Variants in LARP1B observed in about 807,000 individuals in gnomAD.
LARP1B encodes the protein La ribonucleoprotein 1B, also known as la-related protein 1B.
LARP1B carries 76 observed loss-of-function variants against 114.2 expected under a neutral mutation model. That is an observed-to-expected ratio of 0.67 (90% CI 0.55 to 0.81). The LOEUF (loss-of-function observed/expected upper bound fraction) is 0.81. Ranked by LOEUF, LARP1B falls within the 30% of genes least tolerant of loss-of-function variation. The pLI is 0.00. For synonymous variants in LARP1B, 345 were observed against 348.0 expected, an observed-to-expected ratio of 0.99 and a Z score of 0.10; for missense variants, 1,014 against 1,075.8, an observed-to-expected ratio of 0.94 and a Z score of 0.80.
At chr4:128,096,691 C>T (rs1246717329) in intron 7 of LARP1B, among the ~76,000 whole-genome samples, 1 of 151,788 alleles carries the variant, frequency 6.6e-6, no homozygotes, top group Non-Finnish European at 1.5e-5. Flanking sequence ...AGCTCCGCCT[C>T]CCAGGTTCAC....
At chr4:128,175,157 T>A (rs1435304570) in intron 12 of LARP1B, among the ~76,000 whole-genome samples, 2 of 152,144 alleles carry the variant, frequency 1.3e-5, no homozygotes, top group Non-Finnish European at 2.9e-5. Flanking sequence ...ATTTAGTATA[T>A]CATTTATCCC....
chr4:128,168,403 T>C (rs1742088586), intron 12 of LARP1B, among the ~76,000 whole-genome samples: 2 of 152,196 alleles, frequency 1.3e-5, no homozygotes, highest in Admixed American at 1.3e-4. Flanking sequence ...CTCAAATCTT[T>C]GGACATTTCT....
intron 5 of LARP1B, among the ~76,000 whole-genome samples, chr4:128,084,114 G>A (rs1040026116): frequency 1.2e-4 from 18 of 151,906 alleles, no homozygotes; most frequent in African/African-American, 4.1e-4. Flanking sequence ...GATGGCGGCC[G>A]GCAGAGACGC....
intron 1 of LARP1B, among the ~76,000 whole-genome samples, chr4:128,066,447 G>A (rs1302580161): frequency 1.3e-5 from 2 of 150,620 alleles, no homozygotes; most frequent in African/African-American, 4.9e-5. Context: ...CAAAGTGCTA[G>A]GATTACAAGC....
chr4:128,173,256 A>G (rs1221573892), intron 12 of LARP1B, among the ~76,000 whole-genome samples: 1 of 152,166 alleles, frequency 6.6e-6, no homozygotes, highest in Non-Finnish European at 1.5e-5. Flanking sequence ...GGTCATTTAC[A>G]TATGGCCTCT....
chr4:128,062,098 G>A (rs1310450984), intron 1 of LARP1B: 96 of 985,284 alleles, frequency 9.7e-5, no homozygotes, highest in Non-Finnish European at 1.1e-4. Context: ...CTGGCCCTGC[G>A]GAAAAGCGGC....
rs186403748 is a variant in LARP1B, at chr4:128,110,301, A to T, written c.988+2988A>T. ...ATGTATCTAAATTTTTTTTGTTTCTAAGTAGTTTAATATCAGGTAATCTAA... is the reference window on the plus strand; with the variant it reads ...ATGTATCTAAATTTTTTTTGTTTCTTAGTAGTTTAATATCAGGTAATCTAA... On this transcript the variant is annotated intron_variant, in intron 9 of 19. Transcript: ENST00000326639. Among the ~76,000 whole-genome samples the T allele has an allele frequency of 2.7e-3, 412 of 152,138 alleles. 1 individual carries two copies. Among genetic ancestry groups the T allele is most frequent in the Non-Finnish European group, 4.5e-3 (304 of 68,006 alleles).
Position 128,210,797 on chromosome 4 carries a change from T to C in LARP1B, c.*744T>C. ...CTATAAGCTGATTACATATTAGAGG[T>C]TTATTTTTATGATTCTATATAAACG... On this transcript the variant is annotated 3_prime_UTR_variant, in exon 20 of 20. Coordinates refer to ENST00000326639, the MANE Select transcript of LARP1B (RefSeq NM_018078.4). 1.0e-6 allele frequency: 1 copy of C among 983,508 alleles called. No individual in the cohort carries two copies. Among genetic ancestry groups the C allele is most frequent in the Non-Finnish European group, 1.2e-6 (1 of 828,200 alleles). The allele number at this position is 983,508 out of a possible 1,614,324, so 60.9% of individuals were successfully genotyped here.
At chr4:128,122,883 G>A in intron 11 of LARP1B, 1 of 1,003,058 alleles carries the variant, frequency 1.0e-6, no homozygotes, top group Non-Finnish European at 1.2e-6. Flanking sequence ...CCTTCAATAT[G>A]AATTATAATG....
At chr4:128,131,270 T>C (rs746833257) in intron 11 of LARP1B, among the ~76,000 whole-genome samples, 3 of 152,200 alleles carry the variant, frequency 2.0e-5, no homozygotes, top group African/African-American at 4.8e-5. Flanking sequence ...CTCTGTACTT[T>C]CTGCTTGGTT....
chr4:128,176,386 C>G (rs1011765697), intron 12 of LARP1B, among the ~76,000 whole-genome samples: 1 of 150,684 alleles, frequency 6.6e-6, no homozygotes, highest in Admixed American at 6.7e-5. Flanking sequence ...CTCCACCTGC[C>G]GGGTTCAAGC....
chr4:128,099,801 T>G (rs1040588290), intron 8 of LARP1B, among the ~76,000 whole-genome samples: 1 of 152,192 alleles, frequency 6.6e-6, no homozygotes. Flanking sequence ...AGTATATGCC[T>G]ATCTTTATAA....
intron 11 of LARP1B, among the ~76,000 whole-genome samples, chr4:128,159,619 A>C (rs1737492536): frequency 6.6e-6 from 1 of 152,176 alleles, no homozygotes; most frequent in African/African-American, 2.4e-5. Context: ...GCAGTTCATG[A>C]ACCTACCTAG....
At chr4:128,175,384 T>G (rs1159477443) in intron 12 of LARP1B, among the ~76,000 whole-genome samples, 1 of 152,126 alleles carries the variant, frequency 6.6e-6, no homozygotes, top group Non-Finnish European at 1.5e-5. Flanking sequence ...CATTATCAAG[T>G]TTCCCTCCAA....
intron 15 of LARP1B, among the ~76,000 whole-genome samples, chr4:128,191,896 A>C (rs539548958): frequency 4.6e-5 from 7 of 152,174 alleles, no homozygotes; most frequent in Non-Finnish European, 8.8e-5. Context: ...TGAGTCTGGG[A>C]GGAATTTTTC....
chr4:128,062,359 G>T lies in LARP1B; in HGVS notation c.-78+958G>T. On this transcript the variant is annotated intron_variant, in intron 1 of 19. Coordinates refer to ENST00000326639, the MANE Select transcript of LARP1B (RefSeq NM_018078.4). ...CCTCCCTGTCAGTCGGAGGTAATTTGTTCCAAGGTGTCATTCACTCTGCCT... is the reference window on the plus strand; with the variant it reads ...CCTCCCTGTCAGTCGGAGGTAATTTTTTCCAAGGTGTCATTCACTCTGCCT... The T allele has an allele frequency of 3.6e-6, 3 of 824,912 alleles. No individual in the cohort carries two copies. The South Asian group carries it at 1.7e-4, about 45-fold the overall frequency. The allele number at this position is 824,912 out of a possible 1,614,324, so 51.1% of individuals were successfully genotyped here. A position where few individuals can be genotyped will look rare whatever the true frequency, so the allele number is the denominator to read the frequency against.
intron 5 of LARP1B, among the ~76,000 whole-genome samples, chr4:128,083,212 A>G (rs1306715870): frequency 3.3e-5 from 5 of 152,132 alleles, no homozygotes; most frequent in African/African-American, 1.2e-4. Context: ...TCCCATGTCT[A>G]CTACTTTCCA....
At chr4:128,200,261 G>A (rs1468363718) in intron 16 of LARP1B, among the ~76,000 whole-genome samples, 1 of 152,062 alleles carries the variant, frequency 6.6e-6, no homozygotes. Flanking sequence ...GGATGGTTTT[G>A]GATAAAACTG....
intron 12 of LARP1B, among the ~76,000 whole-genome samples, chr4:128,168,288 T>TA (rs200997292): frequency 1.3e-5 from 2 of 150,854 alleles, no homozygotes; most frequent in African/African-American, 4.9e-5. Flanking sequence ...GTTTTTTTTT[T>TA]AAAAAATTTT....
Sources: allele counts gnomAD v4.1 joint callset (sites outside exome capture counted in the v4.1 genomes callset), GRCh38; gene constraint gnomAD v4.1.1; transcripts MANE v1.5; gene names NCBI Gene and HGNC (gene_info 2026-07-23, HGNC 2026-07-21).